Variants in PRDM10 observed in about 807,000 individuals in gnomAD.
PRDM10 encodes the protein PR/SET domain 10, also known as PR domain zinc finger protein 10.
A neutral mutation model predicts 133.1 loss-of-function variants in PRDM10; 65 were observed. That is an observed-to-expected ratio of 0.49 (90% CI 0.40 to 0.60). The LOEUF is 0.60. Ranked by LOEUF, PRDM10 falls within the 20% of genes least tolerant of loss-of-function variation. The pLI, the probability that PRDM10 is intolerant of heterozygous loss-of-function variation, is 0.00. For missense variants in PRDM10, 1,137 were observed against 1,507.1 expected, an observed-to-expected ratio of 0.75 and a Z score of 4.07; for synonymous variants, 582 against 580.4, an observed-to-expected ratio of 1.00 and a Z score of -0.04.
intron 1 of PRDM10, among the ~76,000 whole-genome samples, chr11:129,987,315 T>C (rs1046346771): frequency 6.6e-6 from 1 of 152,234 alleles, no homozygotes; most frequent in Non-Finnish European, 1.5e-5. Context: ...GTTTCTATTA[T>C]GCTTATTTTT....
chr11:129,933,504 C>G (rs1329198190), intron 9 of PRDM10, among the ~76,000 whole-genome samples: 1 of 152,166 alleles, frequency 6.6e-6, no homozygotes, highest in Non-Finnish European at 1.5e-5. Flanking sequence ...CATTATCACA[C>G]CTGAGAAATA....
intron 1 of PRDM10, among the ~76,000 whole-genome samples, chr11:129,969,055 T>A (rs1951963224): frequency 6.6e-6 from 1 of 152,178 alleles, no homozygotes; most frequent in Non-Finnish European, 1.5e-5. Flanking sequence ...ACTCCCCCGC[T>A]GCACAGCTAG....
At chr11:129,924,604 C>T (rs544861709) in intron 12 of PRDM10, among the ~76,000 whole-genome samples, 1 of 152,260 alleles carries the variant, frequency 6.6e-6, no homozygotes, top group African/African-American at 2.4e-5. Flanking sequence ...TAGACATTGA[C>T]ATGGATTATG....
intron 1 of PRDM10, among the ~76,000 whole-genome samples, chr11:129,971,497 A>G (rs766142949): frequency 2.6e-5 from 4 of 151,972 alleles, no homozygotes; most frequent in African/African-American, 4.8e-5. Flanking sequence ...CCATTGGTGC[A>G]CTCAAAAACC....
rs746848433 is a variant in PRDM10, at chr11:129,932,143, T to C, written c.1246A>G (p.Ile416Val). The part of the protein sequence containing the change: ...GRPPKFIRLE[I>V]TSENGEKSDD... ...CTCTTTTCCCCATTTTCGCTGGTGATTTCCAGGCGGATAAATTTTGGAGGA... is the reference window on the plus strand; with the variant it reads ...CTCTTTTCCCCATTTTCGCTGGTGACTTCCAGGCGGATAAATTTTGGAGGA... Residue 416 changes from isoleucine (I) to valine (V), a missense_variant, in exon 10 of 21, where the codon ATC becomes GTC. Physicochemically the swap from Ile to Val is conservative, Grantham distance 29. Transcript: ENST00000360871. The C allele has an allele frequency of 1.2e-6, 2 of 1,613,988 alleles. No homozygotes were observed. The highest frequency in any genetic ancestry group is 2.7e-5 in the African/African-American group (2 of 74,896).
At chr11:129,933,778 G>A (rs1950942472) in intron 9 of PRDM10, among the ~76,000 whole-genome samples, 1 of 152,132 alleles carries the variant, frequency 6.6e-6, no homozygotes, top group African/African-American at 2.4e-5. Flanking sequence ...ATTCCCAGGA[G>A]TGACTCAAAT....
In PRDM10 at chr11:129,947,568, A is replaced by G; in HGVS notation, c.295-198T>C. 1 of 1,436,796 alleles carries G rather than the reference A, an allele frequency of 7.0e-7. No individual in the cohort carries two copies. The highest frequency in any genetic ancestry group is 1.5e-5 in the South Asian group (1 of 67,240). 89.0% of individuals were successfully genotyped at this position (1,436,796 alleles called of 1,614,324 possible). A position where few individuals can be genotyped will look rare whatever the true frequency, so the allele number is the denominator to read the frequency against. On this transcript the variant is annotated intron_variant, in intron 4 of 20. Coordinates refer to ENST00000360871, the MANE Select transcript of PRDM10 (RefSeq NM_199437.2). This position sits in a 1 kb window ranked among gnomAD's most constrained non-coding sequence, Gnocchi z 4.6. The stretch of plus-strand genomic sequence containing the variant: ...CTTCATTTTTGATCTGACTGCTCAC[A>G]GCCTTTAAGCCTCTGCCCTCCCTCT...
At chr11:129,969,633 G>GCCGGGCGTGACCCCATCTCTACTAA (rs1951975930) in intron 1 of PRDM10, among the ~76,000 whole-genome samples, 1 of 139,466 alleles carries the variant, frequency 7.2e-6, no homozygotes, top group Admixed American at 7.3e-5. Flanking sequence ...ATCTCTACTA[G>GCCGGGCGTGACCCCATCTCTACTAA]AAATACAAAA....
intron 11 of PRDM10, among the ~76,000 whole-genome samples, chr11:129,929,134 C>G (rs902900632): frequency 1.3e-5 from 2 of 152,202 alleles, no homozygotes; most frequent in African/African-American, 2.4e-5. Flanking sequence ...AGTTAGAACT[C>G]AACACTATTG....
intron 1 of PRDM10, among the ~76,000 whole-genome samples, chr11:129,981,724 C>T (rs760609546): frequency 6.6e-6 from 1 of 151,842 alleles, no homozygotes; most frequent in Non-Finnish European, 1.5e-5. Flanking sequence ...GGCGAAACCC[C>T]GTCTCTACTA....
At position 130,002,641 on chromosome 11, in the gene PRDM10, G is replaced by T. The variant is rs566012052; in HGVS notation, c.-119+81C>A. 4 of 153,400 alleles carry T rather than the reference G, an allele frequency of 2.6e-5. No individual in the cohort carries two copies. In the East Asian group the frequency reaches 7.8e-4, roughly 30 times the overall value. 9.5% of individuals were successfully genotyped at this position (153,400 alleles called of 1,614,324 possible). ...TGGGCGCCATTTTGGGTGGGACTAA[G>T]CAAAGACGAAACACCCTCCCAGTCT... On this transcript the variant is annotated intron_variant, in intron 1 of 20. Coordinates refer to ENST00000360871, the MANE Select transcript of PRDM10 (RefSeq NM_199437.2).
chr11:129,904,775 T>TAGG (rs1949960715), intron 20 of PRDM10, among the ~76,000 whole-genome samples: 1 of 152,218 alleles, frequency 6.6e-6, no homozygotes, highest in Admixed American at 6.5e-5. Flanking sequence ...GTTGGGATTA[T>TAGG]AGGCGTGAGC....
At chr11:129,902,787 G>A (rs542416909) in intron 20 of PRDM10, among the ~76,000 whole-genome samples, 72 of 152,256 alleles carry the variant, frequency 4.7e-4, no homozygotes, top group African/African-American at 1.5e-3. Context: ...GGTAACATAC[G>A]TGGCAAAGAA....
chr11:129,984,118 CCT>C (rs1378147322), intron 1 of PRDM10, among the ~76,000 whole-genome samples: 1 of 152,168 alleles, frequency 6.6e-6, no homozygotes, highest in Admixed American at 6.5e-5. Flanking sequence ...CCAGCTGATG[CCT>C]CACGCTTCCC....
intron 1 of PRDM10, among the ~76,000 whole-genome samples, chr11:129,982,827 G>A (rs1315069611): frequency 6.6e-6 from 1 of 151,966 alleles, no homozygotes; most frequent in African/African-American, 2.4e-5. Context: ...GGGCATGGTG[G>A]TGCACACCTA....
intron 17 of PRDM10, among the ~76,000 whole-genome samples, chr11:129,912,481 G>A (rs1422671643): frequency 3.3e-5 from 5 of 152,208 alleles, no homozygotes; most frequent in East Asian, 3.9e-4. Flanking sequence ...GCCGGGCGCC[G>A]TGGCTCACGC....
At chr11:129,911,879 C>T (rs1244554388) in intron 18 of PRDM10, among the ~76,000 whole-genome samples, 1 of 152,156 alleles carries the variant, frequency 6.6e-6, no homozygotes, top group Non-Finnish European at 1.5e-5. Context: ...CCACAGGACT[C>T]TATGAGGGCA....
At chr11:129,920,428 C>T (rs1950490295) in intron 13 of PRDM10, among the ~76,000 whole-genome samples, 1 of 152,188 alleles carries the variant, frequency 6.6e-6, no homozygotes, top group Admixed American at 6.5e-5. Context: ...CCCCCTTCCA[C>T]CCAAGTGCAA....
chr11:129,938,064 C>G (rs557544310), intron 7 of PRDM10, among the ~76,000 whole-genome samples: 1 of 152,258 alleles, frequency 6.6e-6, no homozygotes, highest in East Asian at 1.9e-4. Context: ...TGACACCTTC[C>G]AAGGCAACCA....
Sources: allele counts gnomAD v4.1 joint callset (sites outside exome capture counted in the v4.1 genomes callset), GRCh38; gene constraint gnomAD v4.1.1; non-coding constraint Gnocchi (gnomAD v3.1); transcripts MANE v1.5; gene names NCBI Gene and HGNC (gene_info 2026-07-23, HGNC 2026-07-21).